KLHL29: variants seen among roughly 807,000 people sequenced by gnomAD.
KLHL29 encodes the protein kelch like family member 29, also known as kelch-like protein 29.
In KLHL29, 21 loss-of-function variants were observed where a neutral mutation model predicts 80.4. The observed-to-expected ratio is 0.26, with a 90% CI of 0.19 to 0.38. The LOEUF (loss-of-function observed/expected upper bound fraction) is 0.38. KLHL29 is among the 10% of genes least tolerant of loss of function. The pLI, the probability that KLHL29 is intolerant of heterozygous loss-of-function variation, is 1.00. For synonymous variants in KLHL29, 511 were observed against 526.8 expected (o/e 0.97, Z 0.41); for missense variants, 867 against 1,223.9 (o/e 0.71, Z 4.35).
chr2:23,561,659 C>T (rs1667450719), intron 2 of KLHL29, among the ~76,000 whole-genome samples: 1 of 152,184 alleles, frequency 6.6e-6, no homozygotes, highest in African/African-American at 2.4e-5. Flanking sequence ...ACCATCCATG[C>T]CCTGCCGCCT....
In KLHL29 at chr2:23,669,680, C is replaced by G. The variant is rs545516783; in HGVS notation, c.941-14719C>G. 3.9e-5 allele frequency among the ~76,000 whole-genome samples: 6 copies of G among 152,144 alleles called. No individual in the cohort carries two copies. The highest frequency in any genetic ancestry group is 1.9e-4 in the East Asian group (1 of 5,170). ...TGTGTTCACGTAGGGGATGGTCCCC[C>G]CTCTGTGTGGCTGCCCTGCCACCCC... On this transcript the variant is annotated intron_variant, in intron 5 of 13. Coordinates refer to ENST00000486442, the MANE Select transcript of KLHL29 (RefSeq NM_052920.2). This position sits in a 1 kb window ranked among gnomAD's most constrained non-coding sequence, Gnocchi z 4.3.
At chr2:23,658,921 G>A (rs560385024) in intron 5 of KLHL29, among the ~76,000 whole-genome samples, 3 of 152,284 alleles carry the variant, frequency 2.0e-5, no homozygotes, top group African/African-American at 4.8e-5. Context: ...AGAATTCGGA[G>A]GCCCCAGCCT....
intron 3 of KLHL29, among the ~76,000 whole-genome samples, chr2:23,603,317 C>G (rs1668620552): frequency 6.6e-6 from 1 of 152,194 alleles, no homozygotes; most frequent in Non-Finnish European, 1.5e-5. Flanking sequence ...ATCCCACCTC[C>G]AACCAGCAGT....
At chr2:23,387,914 A>G (rs1333638103) in intron 1 of KLHL29, among the ~76,000 whole-genome samples, 2 of 152,318 alleles carry the variant, frequency 1.3e-5, no homozygotes, top group East Asian at 3.9e-4. Flanking sequence ...TTCTGCACAA[A>G]CATCTTATAA....
intron 3 of KLHL29, among the ~76,000 whole-genome samples, chr2:23,594,928 C>T (rs900336917): frequency 6.6e-6 from 1 of 152,162 alleles, no homozygotes; most frequent in African/African-American, 2.4e-5. Flanking sequence ...TTTTAGTGTT[C>T]CTCCTACAAA....
chr2:23,618,614 C>T (rs1047812643), intron 3 of KLHL29, among the ~76,000 whole-genome samples: 1 of 152,160 alleles, frequency 6.6e-6, no homozygotes, highest in Admixed American at 6.5e-5. Context: ...TACCAGTTCC[C>T]GCTCCTGGGT....
At chr2:23,602,292 A>C (rs1428248828) in intron 3 of KLHL29, among the ~76,000 whole-genome samples, 1 of 152,154 alleles carries the variant, frequency 6.6e-6, no homozygotes, top group African/African-American at 2.4e-5. Flanking sequence ...CCCCTGCCCC[A>C]GGGCCTGCCC....
At chr2:23,688,037 C>T (rs890662012) in intron 6 of KLHL29, among the ~76,000 whole-genome samples, 1 of 152,178 alleles carries the variant, frequency 6.6e-6, no homozygotes, top group African/African-American at 2.4e-5. Flanking sequence ...GCCCCACACC[C>T]TTCACCCTCT....
At chr2:23,396,943 G>A (rs114246419) in intron 1 of KLHL29, among the ~76,000 whole-genome samples, 109 of 152,270 alleles carry the variant, frequency 7.2e-4, no homozygotes, top group Non-Finnish European at 1.4e-3. Context: ...CAGGGAAGTC[G>A]CTTTTTTTTC....
chr2:23,696,260 C>A lies in KLHL29; in HGVS notation c.1925-73C>A. On this transcript the variant is annotated intron_variant, in intron 10 of 13. Transcript: ENST00000486442. The surrounding 1 kb of genome is among the most constrained non-coding windows in gnomAD (Gnocchi z 5.5). The stretch of plus-strand genomic sequence containing the variant: ...TTGCAGGTGAAGCCTTCCTCTGCCC[C>A]TGGGGCTGGGCCTGCTGACCCCAGG... 6.6e-7 allele frequency: 1 copy of A among 1,503,998 alleles called. No homozygotes were observed. Among genetic ancestry groups the A allele is most frequent in the Non-Finnish European group, 9.0e-7 (1 of 1,108,578 alleles). 93.2% of individuals were successfully genotyped at this position (1,503,998 alleles called of 1,614,324 possible). A position where few individuals can be genotyped will look rare whatever the true frequency, so the allele number is the denominator to read the frequency against.
chr2:23,615,318 C>T (rs538407403), intron 3 of KLHL29, among the ~76,000 whole-genome samples: 45 of 152,322 alleles, frequency 3.0e-4, no homozygotes, highest in Admixed American at 5.9e-4. Flanking sequence ...TTTCACTGAA[C>T]CGGGTGCTGC....
intron 11 of KLHL29, among the ~76,000 whole-genome samples, chr2:23,699,896 A>G (rs745504444): frequency 1.3e-5 from 2 of 152,004 alleles, no homozygotes; most frequent in African/African-American, 2.4e-5. Context: ...CAGAGATCTG[A>G]CCCTACAGAC....
At chr2:23,429,481 A>T (rs1442746316) in intron 1 of KLHL29, among the ~76,000 whole-genome samples, 1 of 152,220 alleles carries the variant, frequency 6.6e-6, no homozygotes, top group Non-Finnish European at 1.5e-5. Context: ...GGCTGGGCGC[A>T]GTGGCTCACT....
chr2:23,692,648 G>A (rs1671694007), intron 7 of KLHL29, among the ~76,000 whole-genome samples: 1 of 152,182 alleles, frequency 6.6e-6, no homozygotes, highest in East Asian at 1.9e-4. Context: ...GCCTAGGTTG[G>A]AAGAACCACT....
chr2:23,612,281 A>G (rs1208221872), intron 3 of KLHL29, among the ~76,000 whole-genome samples: 3 of 152,204 alleles, frequency 2.0e-5, no homozygotes, highest in Non-Finnish European at 2.9e-5. Flanking sequence ...AAAATATATA[A>G]CTGACTTCTC....
At chr2:23,390,047 T>A (rs1321934861) in intron 1 of KLHL29, among the ~76,000 whole-genome samples, 1 of 152,220 alleles carries the variant, frequency 6.6e-6, no homozygotes. Context: ...AAGCAAACTC[T>A]GTGGTTCTTC....
In KLHL29 at chr2:23,540,589, G is replaced by C. The variant is rs112858787; in HGVS notation, c.-45-21563G>C. Among the ~76,000 whole-genome samples, 405 of 152,268 alleles carry C rather than the reference G, an allele frequency of 2.7e-3. 1 individual carries two copies. The highest frequency in any genetic ancestry group is 9.5e-3 in the African/African-American group (394 of 41,560). ...CGCAGAACTTGGCACTTCTCTGAGG[G>C]TACACTGGAACATAGAACTCTTTTG... On this transcript the variant is annotated intron_variant, in intron 2 of 13. Transcript: ENST00000486442.
intron 5 of KLHL29, among the ~76,000 whole-genome samples, chr2:23,645,896 C>CT (rs1395662321): frequency 1.3e-5 from 2 of 152,190 alleles, no homozygotes; most frequent in Non-Finnish European, 2.9e-5. Flanking sequence ...GCGATTGTCT[C>CT]TCATCTGTGA....
chr2:23,463,019 T>C (rs1165923255), intron 1 of KLHL29, among the ~76,000 whole-genome samples: 2 of 151,208 alleles, frequency 1.3e-5, no homozygotes, highest in Non-Finnish European at 2.9e-5. Flanking sequence ...TATTTCCACT[T>C]ATATTTCATG....
Sources: allele counts gnomAD v4.1 joint callset (sites outside exome capture counted in the v4.1 genomes callset), GRCh38; gene constraint gnomAD v4.1.1; non-coding constraint Gnocchi (gnomAD v3.1); transcripts MANE v1.5; gene names NCBI Gene and HGNC (gene_info 2026-07-23, HGNC 2026-07-21).